Variants in TMEM135 observed in about 807,000 individuals in gnomAD.
TMEM135 encodes the protein transmembrane protein 135.
In TMEM135, 30 loss-of-function variants were observed where a neutral mutation model predicts 60.3. The observed-to-expected ratio is 0.50, with a 90% CI of 0.37 to 0.68. The LOEUF (loss-of-function observed/expected upper bound fraction) is 0.68, where lower values mean the gene tolerates loss of function less well. Ranked by LOEUF, TMEM135 falls within the 30% of genes least tolerant of loss-of-function variation. TMEM135 has a pLI of 0.00. For missense variants in TMEM135, 468 were observed against 548.8 expected (o/e 0.85, Z 1.47); for synonymous variants, 190 against 186.7 (o/e 1.02, Z -0.14).
chr11:87,188,333 G>A (rs1939703517), intron 5 of TMEM135, among the ~76,000 whole-genome samples: 1 of 152,158 alleles, frequency 6.6e-6, no homozygotes, highest in African/African-American at 2.4e-5. Flanking sequence ...CTAGCTTTCT[G>A]TATTTTGTCT....
intron 7 of TMEM135, among the ~76,000 whole-genome samples, chr11:87,298,681 G>A (rs1942389639): frequency 6.6e-6 from 1 of 150,950 alleles, no homozygotes; most frequent in East Asian, 2.0e-4. Context: ...CAGATGCTTG[G>A]GAGGCTGAGG....
chr11:87,313,597 C>T (rs143188917), intron 11 of TMEM135, 109 bp downstream of exon 11: 24 of 984,348 alleles, frequency 2.4e-5, no homozygotes, highest in Admixed American at 1.9e-4. Flanking sequence ...CTTTCTCTAT[C>T]GTAATAGAAT....
At position 87,056,507 on chromosome 11, in the gene TMEM135, G is replaced by A. The variant is rs890814653; in HGVS notation, c.142-11187G>A. Among the ~76,000 whole-genome samples, 4 of 152,144 alleles carry A rather than the reference G, an allele frequency of 2.6e-5. 1 individual carries two copies. Among genetic ancestry groups the A allele is most frequent in the African/African-American group, 9.7e-5 (4 of 41,426 alleles). On this transcript the variant is annotated intron_variant, in intron 1 of 14. Transcript: ENST00000305494. ...CCTTTCTGGTTCAGGTAGGTGGTTA[G>A]GATTACCCTATCAAAGATTAGTAAA...
chr11:87,223,022 CAATT>C (rs987027233), intron 5 of TMEM135, among the ~76,000 whole-genome samples: 2 of 152,054 alleles, frequency 1.3e-5, no homozygotes, highest in African/African-American at 4.8e-5. Flanking sequence ...TTACACAACA[CAATT>C]GATAGGTTAT....
chr11:87,152,739 CT>C (rs1272474191), intron 4 of TMEM135, among the ~76,000 whole-genome samples: 1 of 152,134 alleles, frequency 6.6e-6, no homozygotes, highest in Non-Finnish European at 1.5e-5. Flanking sequence ...GCATCCGGCC[CT>C]TATGTTATTT....
At chr11:87,272,051 CTT>C (rs773654603) in intron 6 of TMEM135, among the ~76,000 whole-genome samples, 54 of 81,154 alleles carry the variant, frequency 6.7e-4, no homozygotes, top group African/African-American at 1.5e-3. Flanking sequence ...TTTTTCTTTT[CTT>C]TTTTTTTTTT....
In TMEM135 at chr11:87,096,272, A is replaced by G. The variant is rs190614493; in HGVS notation, c.396+4877A>G. 2.4e-3 allele frequency: 645 copies of G among 272,166 alleles called. 7 individuals are homozygous for G. Among genetic ancestry groups the G allele is most frequent in the African/African-American group, 0.013 (565 of 44,154 alleles). 16.9% of individuals were successfully genotyped at this position (272,166 alleles called of 1,614,324 possible). ...AGATCCTTCAAAACTGTTAAAAGCC[A>G]TCTTCTCTTGAAAATAGAACTTGTT... is the stretch of plus-strand genomic sequence containing the variant. On this transcript the variant is annotated intron_variant, in intron 4 of 14. Coordinates refer to ENST00000305494, the MANE Select transcript of TMEM135 (RefSeq NM_022918.4).
At chr11:87,056,195 C>T (rs776921988) in intron 1 of TMEM135, among the ~76,000 whole-genome samples, 21 of 152,206 alleles carry the variant, frequency 1.4e-4, no homozygotes, top group Admixed American at 2.6e-4. Flanking sequence ...ACTACCAAGT[C>T]TGGGTCTGTT....
chr11:87,046,318 C>T (rs61906195), intron 1 of TMEM135, among the ~76,000 whole-genome samples: 7,841 of 152,186 alleles, frequency 0.052, 274 homozygotes, highest in South Asian at 0.11. Flanking sequence ...GCAGGAGAAT[C>T]GCTTGCAGCG....
intron 6 of TMEM135, among the ~76,000 whole-genome samples, chr11:87,269,779 A>G (rs1438583671): frequency 6.6e-6 from 1 of 150,984 alleles, no homozygotes; most frequent in Non-Finnish European, 1.5e-5. Context: ...AGTCTTTGCT[A>G]TTGTGAATAG....
intron 9 of TMEM135, among the ~76,000 whole-genome samples, chr11:87,306,435 C>A (rs907274011): frequency 6.6e-6 from 1 of 152,144 alleles, no homozygotes; most frequent in African/African-American, 2.4e-5. Flanking sequence ...AAGTCTGTTA[C>A]AATGGCATTT....
chr11:87,215,318 C>G (rs952653120), intron 5 of TMEM135, among the ~76,000 whole-genome samples: 2 of 152,136 alleles, frequency 1.3e-5, no homozygotes, highest in Admixed American at 6.5e-5. Flanking sequence ...AACTTACTGG[C>G]TTTAAAACAG....
chr11:87,304,844 C>T (rs1399341665), intron 8 of TMEM135, among the ~76,000 whole-genome samples: 1 of 152,172 alleles, frequency 6.6e-6, no homozygotes, highest in Admixed American at 6.5e-5. Flanking sequence ...TATTTTGGAA[C>T]ATGAACCCTC....
chr11:87,097,556 T>C (rs1030835164), intron 4 of TMEM135, among the ~76,000 whole-genome samples: 1 of 152,180 alleles, frequency 6.6e-6, no homozygotes, highest in East Asian at 1.9e-4. Context: ...AAAGTGACTA[T>C]GTGAACAGAT....
At chr11:87,160,131 G>A (rs1182573286) in intron 5 of TMEM135, among the ~76,000 whole-genome samples, 1 of 152,094 alleles carries the variant, frequency 6.6e-6, no homozygotes, top group Non-Finnish European at 1.5e-5. Context: ...AAAAATATCA[G>A]TCTTTCAGTG....
intron 5 of TMEM135, among the ~76,000 whole-genome samples, chr11:87,203,524 A>G (rs988957387): frequency 2.6e-5 from 4 of 152,062 alleles, no homozygotes; most frequent in Non-Finnish European, 5.9e-5. Flanking sequence ...ATGTCTTTTC[A>G]TGGCTTGTTT....
chr11:87,278,864 C>T (rs1942011764), intron 6 of TMEM135, among the ~76,000 whole-genome samples: 1 of 152,104 alleles, frequency 6.6e-6, no homozygotes, highest in African/African-American at 2.4e-5. Context: ...CTCCTCTCAT[C>T]CCTGATAGCA....
intron 5 of TMEM135, among the ~76,000 whole-genome samples, chr11:87,213,150 T>G (rs1181834189): frequency 1.3e-5 from 2 of 152,198 alleles, no homozygotes; most frequent in Non-Finnish European, 2.9e-5. Context: ...CGAAAATTTA[T>G]GAATTACATT....
chr11:87,091,248 A>G (rs1371688026), intron 3 of TMEM135, 114 bp from the exon 4 acceptor site: 1 of 892,424 alleles, frequency 1.1e-6, no homozygotes, highest in African/African-American at 1.7e-5. Flanking sequence ...CTAAGATACC[A>G]GTACGTTTCT....
Sources: allele counts gnomAD v4.1 joint callset (sites outside exome capture counted in the v4.1 genomes callset), GRCh38; gene constraint gnomAD v4.1.1; transcripts MANE v1.5; gene names NCBI Gene and HGNC (gene_info 2026-07-23, HGNC 2026-07-21).